Variants in HBS1L observed in about 807,000 individuals in gnomAD.
HBS1L encodes the protein HBS1-like protein.
A neutral mutation model predicts 88.9 loss-of-function variants in HBS1L; 55 were observed. The ratio of observed to expected loss-of-function variants is 0.62; its 90% CI spans 0.50 to 0.77. The LOEUF (loss-of-function observed/expected upper bound fraction) is 0.77, where lower values mean the gene tolerates loss of function less well. Among genes scored for constraint, HBS1L ranks in the 30% least tolerant of loss-of-function variants. HBS1L has a pLI of 0.00. For missense variants in HBS1L, 741 were observed against 829.3 expected (o/e 0.89, Z 1.31); for synonymous variants, 267 against 288.5 (o/e 0.93, Z 0.76).
chr6:135,029,778 T>C (rs1192394294), intron 4 of HBS1L, among the ~76,000 whole-genome samples: 1 of 152,186 alleles, frequency 6.6e-6, no homozygotes, highest in Non-Finnish European at 1.5e-5. Context: ...ACAATCATAT[T>C]ACAGAATTCT....
chr6:134,961,328 C>T lies in HBS1L; in HGVS notation c.*3951G>A, dbSNP rs923542896. 4.6e-5 allele frequency: 7 copies of T among 152,142 alleles called. No individual in the cohort carries two copies. The highest frequency in any genetic ancestry group is 1.7e-4 in the African/African-American group (7 of 41,420). 9.4% of individuals were successfully genotyped at this position (152,142 alleles called of 1,614,324 possible). A position where few individuals can be genotyped will look rare whatever the true frequency, so the allele number is the denominator to read the frequency against. ...TGTTTTGCATTGTATTTTACACCTA[C>T]ATTTACACTATTAACTTATTTGTAC... is the stretch of plus-strand genomic sequence containing the variant. On this transcript the variant is annotated 3_prime_UTR_variant, in exon 18 of 18. Transcript: ENST00000367837.
At chr6:134,994,621 T>C (rs1004109965) in intron 7 of HBS1L, among the ~76,000 whole-genome samples, 1 of 152,280 alleles carries the variant, frequency 6.6e-6, no homozygotes, top group East Asian at 1.9e-4. Context: ...ATACACATTA[T>C]ACACATAGCC....
chr6:135,028,706 A>G (rs1446165000), intron 4 of HBS1L, among the ~76,000 whole-genome samples: 1 of 152,152 alleles, frequency 6.6e-6, no homozygotes, highest in Admixed American at 6.5e-5. Context: ...CCAACTGGAG[A>G]CGGTTCTTCA....
chr6:135,004,844 T>C (rs372831277), intron 4 of HBS1L, among the ~76,000 whole-genome samples: 2 of 152,080 alleles, frequency 1.3e-5, no homozygotes, highest in Admixed American at 6.5e-5. Flanking sequence ...CAGCACATAA[T>C]TGGTAATTGA....
intron 4 of HBS1L, among the ~76,000 whole-genome samples, chr6:135,011,780 C>T (rs1023077238): frequency 4.6e-5 from 7 of 151,884 alleles, no homozygotes; most frequent in African/African-American, 7.3e-5. Context: ...GTGGCACGCA[C>T]CTGTAATCTC....
In HBS1L at chr6:134,994,199, A is replaced by T. The variant is rs1365655403; in HGVS notation, c.966-324T>A. Among the ~76,000 whole-genome samples, 4 of 152,138 alleles carry T rather than the reference A, an allele frequency of 2.6e-5. No individual in the cohort carries two copies. In the East Asian group the frequency reaches 7.7e-4, roughly 29 times the overall value. On this transcript the variant is annotated intron_variant, in intron 7 of 17. Coordinates refer to ENST00000367837, the MANE Select transcript of HBS1L (RefSeq NM_006620.4). ...TGGGGACAACTCTAAATGGGGGGAA[A>T]ATACTGCATATGAGAAAAGACAAAT... is the stretch of plus-strand genomic sequence containing the variant.
At chr6:135,035,066 T>C (rs758306835) in intron 4 of HBS1L, among the ~76,000 whole-genome samples, 21 of 152,180 alleles carry the variant, frequency 1.4e-4, no homozygotes, top group Non-Finnish European at 2.8e-4. Context: ...TAGAAAAGCT[T>C]CTATTGATCC....
intron 4 of HBS1L, chr6:135,038,116 G>A: frequency 1.0e-6 from 1 of 977,602 alleles, no homozygotes; most frequent in Non-Finnish European, 1.4e-6. Context: ...ATGAAATGAG[G>A]CATTTAATTA....
At chr6:134,973,459 G>C (rs2114754343) in intron 15 of HBS1L, among the ~76,000 whole-genome samples, 1 of 152,328 alleles carries the variant, frequency 6.6e-6, no homozygotes, top group South Asian at 2.1e-4. Context: ...ATAATGGGAA[G>C]ATACTGTGTC....
intron 4 of HBS1L, among the ~76,000 whole-genome samples, chr6:135,005,684 G>A (rs1032218336): frequency 2.0e-5 from 3 of 152,162 alleles, no homozygotes; most frequent in Non-Finnish European, 2.9e-5. Flanking sequence ...AAATTACGAA[G>A]AGATCATCAA....
At chr6:135,047,350 C>A (rs1048833087) in intron 2 of HBS1L, among the ~76,000 whole-genome samples, 2 of 152,194 alleles carry the variant, frequency 1.3e-5, no homozygotes, top group African/African-American at 4.8e-5. Context: ...AAAGATTCCA[C>A]GCTTATACAA....
At position 135,050,663 on chromosome 6, in the gene HBS1L, A is replaced by G; in HGVS notation, c.44-16T>C. The G allele has an allele frequency of 6.7e-7, 1 of 1,496,042 alleles. No homozygotes were observed. Among genetic ancestry groups the G allele is most frequent in the East Asian group, 2.3e-5 (1 of 43,098 alleles). 92.7% of individuals were successfully genotyped at this position (1,496,042 alleles called of 1,614,324 possible). On this transcript the variant is annotated splice_polypyrimidine_tract_variant and intron_variant, in intron 1 of 17. Transcript: ENST00000367837. Reference sequence around the variant, plus strand: ...TCTTCAAAATCTAAAATAAAGACAAAAGAGATAAATTCATTTACAAGTTCT... The same window carrying G: ...TCTTCAAAATCTAAAATAAAGACAAGAGAGATAAATTCATTTACAAGTTCT...
chr6:135,010,624 A>C (rs1307029434), intron 4 of HBS1L, among the ~76,000 whole-genome samples: 1 of 152,106 alleles, frequency 6.6e-6, no homozygotes, highest in Non-Finnish European at 1.5e-5. Context: ...CTTGGCTTGA[A>C]CTCAGTGTTT....
intron 1 of HBS1L, among the ~76,000 whole-genome samples, chr6:135,053,299 T>C (rs1418796121): frequency 6.6e-6 from 1 of 152,210 alleles, no homozygotes; most frequent in African/African-American, 2.4e-5. Context: ...TCTAATAATC[T>C]GTAACTCGTA....
chr6:134,993,928 G>T, intron 7 of HBS1L, 53 bp from the exon 8 acceptor site: 1 of 766,736 alleles, frequency 1.3e-6, no homozygotes. Flanking sequence ...GTGCTATAGA[G>T]TAAATTAATA....
At chr6:134,983,636 ACT>A (rs1298467741) in intron 12 of HBS1L, 2 of 151,860 alleles carry the variant, frequency 1.3e-5, no homozygotes, top group African/African-American at 4.8e-5. Context: ...CTAAAAGAAC[ACT>A]CTCCCAGGAG....
At chr6:135,042,889 C>T (rs1010639321) in intron 2 of HBS1L, among the ~76,000 whole-genome samples, 21 of 151,480 alleles carry the variant, frequency 1.4e-4, no homozygotes, top group Non-Finnish European at 2.2e-4. Context: ...TAAGAGTTCA[C>T]GGAAAATACA....
At chr6:135,005,346 G>A (rs183639959) in intron 4 of HBS1L, among the ~76,000 whole-genome samples, 51 of 152,246 alleles carry the variant, frequency 3.3e-4, no homozygotes, top group Middle Eastern at 6.8e-3. Context: ...GCTATTTATC[G>A]ATAGCACTTA....
chr6:135,052,583 TAA>T (rs55725857), intron 1 of HBS1L, among the ~76,000 whole-genome samples: 228 of 137,794 alleles, frequency 1.7e-3, no homozygotes, highest in Middle Eastern at 3.7e-3. Context: ...TCCTGTCTCT[TAA>T]AAAAAAAAAA....
Sources: gnomAD v4.1 joint callset for allele counts (sites outside exome capture counted in the v4.1 genomes callset) on GRCh38, gnomAD v4.1.1 for gene constraint, MANE v1.5 for transcripts, NCBI Gene and HGNC (gene_info 2026-07-23, HGNC 2026-07-21) for gene names.